MGRN1: variants seen among roughly 807,000 people sequenced by gnomAD.
MGRN1 encodes E3 ubiquitin-protein ligase MGRN1.
Under a neutral mutation model 69.2 loss-of-function variants are expected in MGRN1, and 29 were observed. The observed-to-expected ratio is 0.42, with a 90% CI of 0.31 to 0.57. MGRN1 has a LOEUF of 0.57. MGRN1 is among the 20% of genes least tolerant of loss of function. The pLI is 0.15. For missense variants in MGRN1, 998 were observed against 796.2 expected (o/e 1.25, Z -3.05); for synonymous variants, 470 against 344.2 (o/e 1.37, Z -4.04).
At chr16:4,655,094 GTGTT>G (rs980377790) in intron 4 of MGRN1, among the ~76,000 whole-genome samples, 1 of 152,212 alleles carries the variant, frequency 6.6e-6, no homozygotes, top group African/African-American at 2.4e-5. Context: ...TTGGGGTTGA[GTGTT>G]TGACACCCAC....
intron 16 of MGRN1, among the ~76,000 whole-genome samples, chr16:4,684,707 C>G (rs181136348): frequency 2.0e-5 from 3 of 152,374 alleles, no homozygotes; most frequent in Non-Finnish European, 1.5e-5. Flanking sequence ...ATCCTAAGCT[C>G]TAAAGACCGG....
At chr16:4,686,245 C>A (rs1176451335) in intron 16 of MGRN1, 2 of 1,542,358 alleles carry the variant, frequency 1.3e-6, no homozygotes, top group Non-Finnish European at 1.7e-6. Flanking sequence ...CTGTCTCTCC[C>A]CCTCTCCGCG....
At chr16:4,634,413 G>C (rs1159860459) in intron 1 of MGRN1, 1 of 152,602 alleles carries the variant, frequency 6.6e-6, no homozygotes, top group Non-Finnish European at 1.5e-5. Context: ...TGCCGCCTGG[G>C]TCCGACATTG....
In MGRN1 at chr16:4,686,563, TTCC is replaced by T. The variant is rs2079324277; in HGVS notation, c.1619-2232_1619-2230del. ...GACTAGGCGGCCGGTCAGGCTCTTCTTCCAGCCTTGAGGGGCCCTGGAACAGTC... is the reference window on the plus strand; with the variant it reads ...GACTAGGCGGCCGGTCAGGCTCTTCTAGCCTTGAGGGGCCCTGGAACAGTC... On this transcript the variant is annotated intron_variant, in intron 16 of 16. Coordinates refer to ENST00000262370, the MANE Select transcript of MGRN1 (RefSeq NM_015246.4). 3 of 1,328,118 alleles carry T rather than the reference TTCC, an allele frequency of 2.3e-6. No homozygotes were observed. The South Asian group carries it at 5.9e-5, about 26-fold the overall frequency. The allele number at this position is 1,328,118 out of a possible 1,614,324, so 82.3% of individuals were successfully genotyped here.
At chr16:4,642,852 T>C (rs1015543456) in intron 1 of MGRN1, among the ~76,000 whole-genome samples, 1 of 151,926 alleles carries the variant, frequency 6.6e-6, no homozygotes, top group African/African-American at 2.4e-5. Flanking sequence ...AGTGGCTTGA[T>C]CAGGGTTCAC....
intron 1 of MGRN1, among the ~76,000 whole-genome samples, chr16:4,625,386 C>A (rs1030768387): frequency 1.3e-5 from 2 of 152,238 alleles, no homozygotes; most frequent in African/African-American, 4.8e-5. Flanking sequence ...CGGGTCCCGG[C>A]GCATCGCTTC....
chr16:4,682,699 G>GT, intron 13 of MGRN1, 124 bp from the exon 14 acceptor site: 1 of 1,141,742 alleles, frequency 8.8e-7, no homozygotes, highest in Non-Finnish European at 1.2e-6. Flanking sequence ...TCTCCAGGGA[G>GT]TGTCCTTGCG....
intron 1 of MGRN1, among the ~76,000 whole-genome samples, chr16:4,639,117 C>A (rs1243310050): frequency 6.6e-6 from 1 of 152,166 alleles, no homozygotes; most frequent in African/African-American, 2.4e-5. Flanking sequence ...TGCTTTCATT[C>A]ATTAGGTGAG....
chr16:4,682,807 TCTC>T lies in MGRN1; in HGVS notation c.1359-12_1359-10del. On this transcript the variant is annotated splice_polypyrimidine_tract_variant and intron_variant, in intron 13 of 16. Coordinates refer to ENST00000262370, the MANE Select transcript of MGRN1 (RefSeq NM_015246.4). Reference sequence around the variant, plus strand: ...GTTATCCTCTCACCCCTGCCCACCCTCTCCTCTGTCCCCAGCACCCTACGGTCC... The same window carrying T: ...GTTATCCTCTCACCCCTGCCCACCCTCTCTGTCCCCAGCACCCTACGGTCC... 2 of 1,534,852 alleles carry T rather than the reference TCTC, an allele frequency of 1.3e-6. No homozygotes were observed. The highest frequency in any genetic ancestry group is 1.8e-6 in the Non-Finnish European group (2 of 1,134,222).
At chr16:4,636,157 G>T (rs1032103546) in intron 1 of MGRN1, among the ~76,000 whole-genome samples, 1 of 152,032 alleles carries the variant, frequency 6.6e-6, no homozygotes, top group Admixed American at 6.6e-5. Flanking sequence ...TTTGATAAAT[G>T]ATCACAAAAT....
At chr16:4,647,036 T>C (rs1179177630) in intron 1 of MGRN1, among the ~76,000 whole-genome samples, 1 of 152,190 alleles carries the variant, frequency 6.6e-6, no homozygotes, top group Non-Finnish European at 1.5e-5. Context: ...TGGGGGCTGA[T>C]CACTGCTAAG....
intron 1 of MGRN1, among the ~76,000 whole-genome samples, chr16:4,638,401 G>C (rs1426467285): frequency 6.6e-6 from 1 of 151,956 alleles, no homozygotes; most frequent in Non-Finnish European, 1.5e-5. Flanking sequence ...GGAGGCAGAG[G>C]TTGCAGTGAG....
At chr16:4,687,912 T>C (rs1314161311) in intron 16 of MGRN1, 3 of 985,382 alleles carry the variant, frequency 3.0e-6, no homozygotes, top group Non-Finnish European at 3.6e-6. Context: ...CCTGAGCCAT[T>C]ATACCCCTAG....
rs780871722 is a variant in MGRN1 at position 4,683,861 on chromosome 16, T to C, written c.1547T>C (p.Ile516Thr). 1.1e-5 allele frequency: 17 copies of C among 1,612,608 alleles called. No homozygotes were observed. In the South Asian group the frequency reaches 1.8e-4, roughly 17 times the overall value. The change falls in exon 16 of 17, where the codon ATT becomes ACT. Residue 516 changes from isoleucine to threonine, a missense_variant. Coordinates refer to ENST00000262370, the MANE Select transcript of MGRN1 (RefSeq NM_015246.4). ...CCTGCAGGGACCCGAGCAGCTTCCATTGAGAATGTCCTGCAGGACAGCAGC... is the reference window on the plus strand; with the variant it reads ...CCTGCAGGGACCCGAGCAGCTTCCACTGAGAATGTCCTGCAGGACAGCAGC... ...SPQQGTRAAS[I>T]ENVLQDSSPE...
At chr16:4,657,389 C>A (rs1354580421) in intron 5 of MGRN1, 26 bp downstream of exon 5, 3 of 1,594,972 alleles carry the variant, frequency 1.9e-6, no homozygotes, top group Non-Finnish European at 2.6e-6. Context: ...CGGCTCCTTG[C>A]CCTTCGCTCC....
chr16:4,679,401 C>G (rs1397802463), intron 11 of MGRN1, among the ~76,000 whole-genome samples: 1 of 152,178 alleles, frequency 6.6e-6, no homozygotes. Context: ...AGGGCTGGCA[C>G]CCAGCCAGGG....
chr16:4,641,701 A>G (rs866707175), intron 1 of MGRN1, among the ~76,000 whole-genome samples: 2 of 151,992 alleles, frequency 1.3e-5, no homozygotes, highest in Non-Finnish European at 2.9e-5. Context: ...CATTTTTAGT[A>G]GAGACGGGAG....
intron 5 of MGRN1, among the ~76,000 whole-genome samples, chr16:4,660,515 C>T (rs987374845): frequency 6.6e-6 from 1 of 152,254 alleles, no homozygotes; most frequent in Non-Finnish European, 1.5e-5. Context: ...CTCAGAGGCT[C>T]CTCAGAGCAC....
chr16:4,646,658 A>G (rs9937320), intron 1 of MGRN1, among the ~76,000 whole-genome samples: 1,646 of 152,266 alleles, frequency 0.011, 40 homozygotes, highest in African/African-American at 0.038. Context: ...CTCTGTGGTC[A>G]TCATTTCATG....
Sources: allele counts gnomAD v4.1 joint callset (sites outside exome capture counted in the v4.1 genomes callset), GRCh38; gene constraint gnomAD v4.1.1; transcripts MANE v1.5; gene names NCBI Gene and HGNC (gene_info 2026-07-23, HGNC 2026-07-21).